CCDC178: variants seen among roughly 807,000 people sequenced by gnomAD.
The protein encoded by CCDC178 is coiled-coil domain containing 178.
A neutral mutation model predicts 117.4 loss-of-function variants in CCDC178; 126 were observed. The ratio of observed to expected loss-of-function variants is 1.07; its 90% CI spans 0.93 to 1.24. The LOEUF (loss-of-function observed/expected upper bound fraction) is 1.24. CCDC178 is among the 50% of genes most tolerant of loss of function. The pLI, the probability that CCDC178 is intolerant of heterozygous loss-of-function variation, is 0.00. For synonymous variants in CCDC178, 283 were observed against 313.4 expected (o/e 0.90, Z 1.02); for missense variants, 1,030 against 986.9 (o/e 1.04, Z -0.59).
At chr18:33,157,220 C>G (rs2058411515) in intron 20 of CCDC178, among the ~76,000 whole-genome samples, 1 of 152,080 alleles carries the variant, frequency 6.6e-6, no homozygotes, top group African/African-American at 2.4e-5. Flanking sequence ...GATTGATCTT[C>G]CAAATTAAAC....
intron 20 of CCDC178, among the ~76,000 whole-genome samples, chr18:33,128,348 G>A (rs562596376): frequency 1.3e-5 from 2 of 152,100 alleles, no homozygotes; most frequent in Non-Finnish European, 2.9e-5. Context: ...TCCTCTAAGA[G>A]TTACAGACCC....
chr18:33,334,359 T>G (rs539596539), intron 9 of CCDC178, among the ~76,000 whole-genome samples: 22 of 152,130 alleles, frequency 1.4e-4, no homozygotes, highest in Admixed American at 1.3e-3. Context: ...TAAAATTATT[T>G]TTTCTGTATA....
intron 6 of CCDC178, among the ~76,000 whole-genome samples, chr18:33,367,107 A>G (rs2063219553): frequency 6.6e-6 from 1 of 151,882 alleles, no homozygotes; most frequent in African/African-American, 2.4e-5. Flanking sequence ...AATTTTCTCC[A>G]TTTGTAATTT....
chr18:33,439,475 CT>C (rs1235559149), intron 2 of CCDC178, among the ~76,000 whole-genome samples: 1 of 152,114 alleles, frequency 6.6e-6, no homozygotes, highest in Non-Finnish European at 1.5e-5. Flanking sequence ...TATAATAAAA[CT>C]TTATGACTGC....
At chr18:32,995,101 T>C (rs951945710) in intron 21 of CCDC178, among the ~76,000 whole-genome samples, 2 of 152,194 alleles carry the variant, frequency 1.3e-5, no homozygotes, top group African/African-American at 4.8e-5. Context: ...TGGAATTACA[T>C]GGGCTCAGTC....
rs549361557 is a variant in CCDC178, at chr18:33,089,956, T to C, written c.2388+2805A>G. The stretch of plus-strand genomic sequence containing the variant: ...TCTTAGATTGGATTATTTTCTATCA[T>C]TACCCATGAACAGGGCAAATAAGAA... On this transcript the variant is annotated intron_variant, in intron 21 of 22. Transcript: ENST00000383096. Among the ~76,000 whole-genome samples, 4 of 152,182 alleles carry C rather than the reference T, an allele frequency of 2.6e-5. No individual in the cohort carries two copies. The South Asian group carries it at 6.2e-4, about 24-fold the overall frequency.
At chr18:33,309,711 T>G (rs1272144483) in intron 11 of CCDC178, among the ~76,000 whole-genome samples, 1 of 152,084 alleles carries the variant, frequency 6.6e-6, no homozygotes, top group Non-Finnish European at 1.5e-5. Flanking sequence ...GTTCTGTAAG[T>G]TGTGTCTTAT....
At chr18:33,040,445 A>T (rs1441098507) in intron 21 of CCDC178, among the ~76,000 whole-genome samples, 2 of 151,988 alleles carry the variant, frequency 1.3e-5, no homozygotes, top group Non-Finnish European at 2.9e-5. Flanking sequence ...ATTTAAGTGT[A>T]AAACTATCAT....
chr18:33,153,903 G>A (rs1488860886), intron 20 of CCDC178, among the ~76,000 whole-genome samples: 1 of 151,928 alleles, frequency 6.6e-6, no homozygotes, highest in African/African-American at 2.4e-5. Context: ...ATGGAAAGAT[G>A]ATTTCATTGT....
At chr18:33,378,971 C>G (rs2063399143) in intron 5 of CCDC178, among the ~76,000 whole-genome samples, 1 of 151,582 alleles carries the variant, frequency 6.6e-6, no homozygotes, top group Non-Finnish European at 1.5e-5. Context: ...TGGGAGGAGT[C>G]TTTCCACTTT....
At chr18:33,393,789 T>C (rs150569429) in intron 4 of CCDC178, among the ~76,000 whole-genome samples, 28 of 152,220 alleles carry the variant, frequency 1.8e-4, no homozygotes, top group Non-Finnish European at 2.6e-4. Context: ...TAAAGTTATA[T>C]GAATGGTCTG....
At chr18:33,227,287 C>CTT (rs776291370) in intron 15 of CCDC178, among the ~76,000 whole-genome samples, 1 of 138,814 alleles carries the variant, frequency 7.2e-6, no homozygotes, top group Non-Finnish European at 1.6e-5. Context: ...AGAACAATTC[C>CTT]TTTTTTTTTT....
chr18:33,050,438 AT>A (rs2056726909), intron 21 of CCDC178, among the ~76,000 whole-genome samples: 1 of 152,310 alleles, frequency 6.6e-6, no homozygotes, highest in East Asian at 1.9e-4. Flanking sequence ...GAAATTATTA[AT>A]TTAAGATTCT....
intron 15 of CCDC178, among the ~76,000 whole-genome samples, chr18:33,237,555 C>A (rs1355216856): frequency 6.6e-6 from 1 of 151,906 alleles, no homozygotes; most frequent in Non-Finnish European, 1.5e-5. Context: ...TCCCTCCCCT[C>A]CCCCTGGCTG....
chr18:33,091,326 T>TTTTTTC (rs2057460863), intron 21 of CCDC178, among the ~76,000 whole-genome samples: 2 of 65,882 alleles, frequency 3.0e-5, no homozygotes, highest in Admixed American at 3.3e-4. Flanking sequence ...ATTTCATTCT[T>TTTTTTC]TTTTTTTTTT....
chr18:33,402,550 G>A (rs994121207), intron 3 of CCDC178, among the ~76,000 whole-genome samples: 9 of 152,192 alleles, frequency 5.9e-5, no homozygotes, highest in African/African-American at 2.2e-4. Flanking sequence ...AAAGCTGTGA[G>A]CATGATCAGG....
At chr18:33,351,201 CTTTG>C (rs1353846508) in intron 7 of CCDC178, among the ~76,000 whole-genome samples, 2 of 141,880 alleles carry the variant, frequency 1.4e-5, no homozygotes, top group Non-Finnish European at 3.1e-5. Flanking sequence ...TTGTTTGTTT[CTTTG>C]TTTTTTTGAG....
chr18:33,264,989 AC>A (rs2059795606), intron 14 of CCDC178, among the ~76,000 whole-genome samples: 1 of 152,054 alleles, frequency 6.6e-6, no homozygotes, highest in Non-Finnish European at 1.5e-5. Context: ...TTATTAGATC[AC>A]CGACTCTTCA....
intron 11 of CCDC178, among the ~76,000 whole-genome samples, chr18:33,319,766 G>A (rs1451087920): frequency 6.6e-6 from 1 of 152,152 alleles, no homozygotes; most frequent in Non-Finnish European, 1.5e-5. Flanking sequence ...TTGTGGTTTT[G>A]ATTTGCATTT....
Sources: gnomAD v4.1 joint callset for allele counts (sites outside exome capture counted in the v4.1 genomes callset) on GRCh38, gnomAD v4.1.1 for gene constraint, MANE v1.5 for transcripts, NCBI Gene and HGNC (gene_info 2026-07-23, HGNC 2026-07-21) for gene names.